Variants in TMEM132D observed in about 807,000 individuals in gnomAD.
The protein encoded by TMEM132D is transmembrane protein 132D.
In TMEM132D, 21 loss-of-function variants were observed where a neutral mutation model predicts 62.3. The ratio of observed to expected loss-of-function variants is 0.34; its 90% CI spans 0.24 to 0.49. TMEM132D has a LOEUF of 0.49. Among genes scored for constraint, TMEM132D ranks in the 20% least tolerant of loss-of-function variants. The pLI, the probability that TMEM132D is intolerant of heterozygous loss-of-function variation, is 0.99. For missense variants in TMEM132D, 1,346 were observed against 1,402.8 expected (o/e 0.96, Z 0.65); for synonymous variants, 621 against 575.6 (o/e 1.08, Z -1.13).
chr12:129,513,478 C>G (rs1875553729), intron 3 of TMEM132D, among the ~76,000 whole-genome samples: 1 of 151,244 alleles, frequency 6.6e-6, no homozygotes, highest in African/African-American at 2.5e-5. Flanking sequence ...AAAACAAAAA[C>G]AGGTTTGTTT....
At chr12:129,380,436 G>T (rs1476169444) in intron 3 of TMEM132D, among the ~76,000 whole-genome samples, 2 of 152,098 alleles carry the variant, frequency 1.3e-5, no homozygotes, top group African/African-American at 4.8e-5. Flanking sequence ...AGACCCGTTT[G>T]CCCTTTGCCC....
rs1053195153 is a variant in TMEM132D, at chr12:129,712,104, T to C, written c.80-11406A>G. Reference sequence around the variant, plus strand: ...TACTCCGCACAATATGTTTTCATCTTTATTATTTTATTATCATTATTGTTA... The same window carrying C: ...TACTCCGCACAATATGTTTTCATCTCTATTATTTTATTATCATTATTGTTA... On this transcript the variant is annotated intron_variant, in intron 1 of 8. Coordinates refer to ENST00000422113, the MANE Select transcript of TMEM132D (RefSeq NM_133448.3). Among the ~76,000 whole-genome samples the C allele has an allele frequency of 2.0e-5, 3 of 152,004 alleles. No individual in the cohort carries two copies. In the South Asian group the frequency reaches 6.2e-4, roughly 32 times the overall value.
intron 2 of TMEM132D, among the ~76,000 whole-genome samples, chr12:129,661,326 G>T (rs1880231921): frequency 6.6e-6 from 1 of 152,206 alleles, no homozygotes; most frequent in Admixed American, 6.5e-5. Flanking sequence ...GTTGACTCCT[G>T]TTCCTCAGCA....
intron 3 of TMEM132D, among the ~76,000 whole-genome samples, chr12:129,518,089 TC>T (rs529250274): frequency 3.3e-5 from 5 of 152,122 alleles, no homozygotes; most frequent in Non-Finnish European, 7.4e-5. Context: ...GAAAGTTTTT[TC>T]CCCCCTAAGG....
chr12:129,855,175 G>C (rs71466427), intron 1 of TMEM132D, among the ~76,000 whole-genome samples: 1 of 87,278 alleles, frequency 1.1e-5, no homozygotes, highest in Non-Finnish European at 2.4e-5. Context: ...AACAGAGTCC[G>C]GGGGAACGGG....
intron 4 of TMEM132D, among the ~76,000 whole-genome samples, chr12:129,214,116 G>A (rs1425801160): frequency 1.3e-5 from 2 of 152,178 alleles, no homozygotes; most frequent in African/African-American, 2.4e-5. Context: ...GGAAGCTCCC[G>A]ATGGATGGTG....
chr12:129,816,294 CA>C (rs1872343691), intron 1 of TMEM132D, among the ~76,000 whole-genome samples: 1 of 152,148 alleles, frequency 6.6e-6, no homozygotes, highest in Admixed American at 6.5e-5. Flanking sequence ...TTCTGATTAT[CA>C]TTTATTACAA....
chr12:129,623,704 C>CATATAT (rs1364596366), intron 2 of TMEM132D, among the ~76,000 whole-genome samples: 15 of 139,708 alleles, frequency 1.1e-4, no homozygotes, highest in African/African-American at 4.5e-4. Context: ...CATATATATA[C>CATATAT]ATACATATGC....
intron 1 of TMEM132D, among the ~76,000 whole-genome samples, chr12:129,879,353 C>T (rs7297573): frequency 0.84 from 128,571 of 152,224 alleles, 54,916 homozygotes; most frequent in Middle Eastern, 0.91. Context: ...TATTAAAAGG[C>T]TTTGTGTAAG....
intron 1 of TMEM132D, among the ~76,000 whole-genome samples, chr12:129,734,078 C>A (rs376700229): frequency 6.6e-6 from 1 of 152,134 alleles, no homozygotes; most frequent in African/African-American, 2.4e-5. Context: ...CTGAGAACCT[C>A]GTTTGCTCAA....
At chr12:129,198,866 T>C (rs767988984) in intron 5 of TMEM132D, among the ~76,000 whole-genome samples, 1 of 152,136 alleles carries the variant, frequency 6.6e-6, no homozygotes, top group Non-Finnish European at 1.5e-5. Context: ...CATTTTTTCA[T>C]AAATCTTAAC....
chr12:129,760,656 T>C (rs1439954133), intron 1 of TMEM132D, among the ~76,000 whole-genome samples: 1 of 147,428 alleles, frequency 6.8e-6, no homozygotes, highest in Non-Finnish European at 1.5e-5. Flanking sequence ...CTTTTTTTTT[T>C]TTTCTTTTTT....
chr12:129,171,190 A>C (rs547767399), intron 5 of TMEM132D, among the ~76,000 whole-genome samples: 1 of 152,244 alleles, frequency 6.6e-6, no homozygotes, highest in Non-Finnish European at 1.5e-5. Flanking sequence ...CTTCCCCAGG[A>C]GTAGATTCCA....
chr12:129,603,746 T>C (rs573258696), intron 2 of TMEM132D, among the ~76,000 whole-genome samples: 2 of 152,326 alleles, frequency 1.3e-5, no homozygotes, highest in East Asian at 3.9e-4. Context: ...TCAACCATTG[T>C]GGAAGCCAGT....
At chr12:129,813,538 A>G (rs1308600164) in intron 1 of TMEM132D, among the ~76,000 whole-genome samples, 1 of 151,090 alleles carries the variant, frequency 6.6e-6, no homozygotes, top group South Asian at 2.2e-4. Context: ...CATTCACTGC[A>G]GCCAACTCAC....
At chr12:129,551,960 G>A (rs1876910010) in intron 2 of TMEM132D, among the ~76,000 whole-genome samples, 1 of 152,134 alleles carries the variant, frequency 6.6e-6, no homozygotes, top group South Asian at 2.1e-4. Flanking sequence ...AGCATATATG[G>A]GCAGAAATGA....
chr12:129,717,362 A>T (rs1462998758), intron 1 of TMEM132D, among the ~76,000 whole-genome samples: 1 of 152,224 alleles, frequency 6.6e-6, no homozygotes, highest in Non-Finnish European at 1.5e-5. Context: ...CACTGAAGTT[A>T]CACAGAAATG....
chr12:129,236,155 TGAGAGA>T (rs35395261), intron 4 of TMEM132D, among the ~76,000 whole-genome samples: 70 of 144,272 alleles, frequency 4.9e-4, no homozygotes, highest in Non-Finnish European at 6.1e-4. Flanking sequence ...TGTGTGTGTA[TGAGAGA>T]GAGAGAGAGA....
chr12:129,291,319 A>G (rs1477413260), intron 4 of TMEM132D, among the ~76,000 whole-genome samples: 1 of 152,236 alleles, frequency 6.6e-6, no homozygotes, highest in Non-Finnish European at 1.5e-5. Flanking sequence ...GGCAGCTTGT[A>G]GGTTAAAAGT....
Sources: allele counts gnomAD v4.1 joint callset (sites outside exome capture counted in the v4.1 genomes callset), GRCh38; gene constraint gnomAD v4.1.1; transcripts MANE v1.5; gene names NCBI Gene and HGNC (gene_info 2026-07-23, HGNC 2026-07-21).